CFAP20DC: variants seen among roughly 807,000 people sequenced by gnomAD.
CFAP20DC encodes the protein protein CFAP20DC.
In CFAP20DC, 84 loss-of-function variants were observed where a neutral mutation model predicts 101.7. The observed-to-expected ratio is 0.83, with a 90% CI of 0.69 to 0.99. The LOEUF (loss-of-function observed/expected upper bound fraction) is 0.99. CFAP20DC is among the 50% of genes least tolerant of loss of function. The pLI is 0.00. For synonymous variants in CFAP20DC, 359 were observed against 351.2 expected (o/e 1.02, Z -0.25); for missense variants, 1,007 against 970.3 (o/e 1.04, Z -0.50).
chr3:58,941,579 T>C (rs185531209), intron 4 of CFAP20DC, among the ~76,000 whole-genome samples: 225 of 151,986 alleles, frequency 1.5e-3, no homozygotes, highest in Middle Eastern at 0.01. Flanking sequence ...TCTTTTTCTT[T>C]TTTTTTTGAG....
At chr3:59,033,949 A>T (rs2094045244) in intron 4 of CFAP20DC, among the ~76,000 whole-genome samples, 1 of 152,226 alleles carries the variant, frequency 6.6e-6, no homozygotes, top group African/African-American at 2.4e-5. Flanking sequence ...GCAGCCAGAG[A>T]GAAAGGTTAG....
chr3:58,805,688 T>C (rs1187193551), intron 15 of CFAP20DC, among the ~76,000 whole-genome samples: 1 of 152,204 alleles, frequency 6.6e-6, no homozygotes, highest in African/African-American at 2.4e-5. Flanking sequence ...TAAATACTGA[T>C]AAGGTAATAC....
At chr3:58,817,217 CTA>C (rs1390859578) in intron 14 of CFAP20DC, among the ~76,000 whole-genome samples, 2 of 152,120 alleles carry the variant, frequency 1.3e-5, no homozygotes, top group Non-Finnish European at 2.9e-5. Context: ...ACTGGAAACT[CTA>C]AAACGCAGAG....
intron 6 of CFAP20DC, among the ~76,000 whole-genome samples, chr3:58,887,868 T>C (rs1373928040): frequency 6.6e-6 from 1 of 152,236 alleles, no homozygotes; most frequent in Non-Finnish European, 1.5e-5. Flanking sequence ...TATTTTAAAA[T>C]GAAGACTAAC....
At chr3:58,755,145 CAA>C (rs1408016042) in intron 15 of CFAP20DC, among the ~76,000 whole-genome samples, 2 of 152,088 alleles carry the variant, frequency 1.3e-5, no homozygotes, top group Non-Finnish European at 2.9e-5. Flanking sequence ...ATATTAATGT[CAA>C]AATTACCTAA....
chr3:58,766,996 G>A (rs147913060), intron 15 of CFAP20DC, among the ~76,000 whole-genome samples: 30 of 152,202 alleles, frequency 2.0e-4, no homozygotes, highest in Admixed American at 1.8e-3. Context: ...AAGAGCTCTC[G>A]TCTCAGCTCA....
Position 59,006,586 on chromosome 3 carries a change from G to C in CFAP20DC, c.278+32971C>G, listed in dbSNP as rs1197518472. The stretch of plus-strand genomic sequence containing the variant: ...GGAGAAGGACTTAACCTTACCTACA[G>C]CTAAAACAGATTTGGGGAGCTGAAT... On this transcript the variant is annotated intron_variant, in intron 4 of 16. Coordinates refer to ENST00000482387, the MANE Select transcript of CFAP20DC (RefSeq NM_001394063.1). The surrounding 1 kb of genome is among the most constrained non-coding windows in gnomAD (Gnocchi z 4.3). Among the ~76,000 whole-genome samples, 4 of 152,180 alleles carry C rather than the reference G, an allele frequency of 2.6e-5. No individual in the cohort carries two copies. Among genetic ancestry groups the C allele is most frequent in the African/African-American group, 9.6e-5 (4 of 41,452 alleles).
chr3:58,962,856 T>C (rs1366400638), intron 4 of CFAP20DC, among the ~76,000 whole-genome samples: 1 of 152,030 alleles, frequency 6.6e-6, no homozygotes, highest in Admixed American at 6.6e-5. Flanking sequence ...CCCCCAGGGA[T>C]ACGCAGGTAC....
At chr3:58,804,837 T>C (rs1171475539) in intron 15 of CFAP20DC, among the ~76,000 whole-genome samples, 1 of 152,212 alleles carries the variant, frequency 6.6e-6, no homozygotes, top group Non-Finnish European at 1.5e-5. Flanking sequence ...AATACCTTCT[T>C]ATATATATTG....
At chr3:59,035,550 G>T (rs1321800318) in intron 4 of CFAP20DC, among the ~76,000 whole-genome samples, 1 of 152,144 alleles carries the variant, frequency 6.6e-6, no homozygotes, top group East Asian at 1.9e-4. Context: ...TATCATCAGA[G>T]AATACTATAA....
chr3:58,900,569 A>C (rs2083059944), intron 6 of CFAP20DC, among the ~76,000 whole-genome samples: 1 of 152,250 alleles, frequency 6.6e-6, no homozygotes, highest in Non-Finnish European at 1.5e-5. Context: ...CCTGATTAAC[A>C]TCTAGATAAG....
chr3:58,794,167 A>G (rs941056515), intron 15 of CFAP20DC: 6 of 315,930 alleles, frequency 1.9e-5, no homozygotes, highest in Non-Finnish European at 3.2e-5. Flanking sequence ...TCAAAAGCAA[A>G]TAAGTTGTTT....
At position 58,848,601 on chromosome 3, in the gene CFAP20DC, A is replaced by T. The variant is rs942206639; in HGVS notation, c.1971+431T>A. Among the ~76,000 whole-genome samples, 3 of 152,138 alleles carry T rather than the reference A, an allele frequency of 2.0e-5. No homozygotes were observed. The East Asian group carries it at 5.8e-4, about 29-fold the overall frequency. ...TTAACCTTCACTCATATCATTTATT[A>T]TTTGGGGAACTGCTGTAGAAAGTGA... is the stretch of plus-strand genomic sequence containing the variant. On this transcript the variant is annotated intron_variant, in intron 13 of 16. Coordinates refer to ENST00000482387, the MANE Select transcript of CFAP20DC (RefSeq NM_001394063.1).
intron 15 of CFAP20DC, among the ~76,000 whole-genome samples, chr3:58,801,617 TGGAGA>T (rs1280563577): frequency 3.5e-4 from 53 of 150,984 alleles, no homozygotes; most frequent in Non-Finnish European, 1.5e-4. Flanking sequence ...TCGTGACAAC[TGGAGA>T]GGAAAAAAAA....
At chr3:58,945,188 T>G (rs2089178744) in intron 4 of CFAP20DC, among the ~76,000 whole-genome samples, 1 of 152,138 alleles carries the variant, frequency 6.6e-6, no homozygotes, top group African/African-American at 2.4e-5. Context: ...AACCACACAT[T>G]CAGCAGAGTG....
chr3:59,018,054 T>G (rs908481152), intron 4 of CFAP20DC: 1 of 152,084 alleles, frequency 6.6e-6, no homozygotes, highest in African/African-American at 2.4e-5. Flanking sequence ...CTAATTGACC[T>G]ATCAATCAAA....
chr3:58,948,518 C>T (rs1248602577), intron 4 of CFAP20DC, among the ~76,000 whole-genome samples: 2 of 152,144 alleles, frequency 1.3e-5, no homozygotes, highest in East Asian at 3.8e-4. Flanking sequence ...CCTTTGTTTT[C>T]ACAGTTAAAT....
At chr3:58,738,154 T>C (rs1001981245), downstream of CFAP20DC, among the ~76,000 whole-genome samples, 2 of 152,252 alleles carry the variant, frequency 1.3e-5, no homozygotes, top group Admixed American at 6.5e-5. This position sits in a 1 kb window ranked among gnomAD's most constrained non-coding sequence, Gnocchi z 4.4. Flanking sequence ...GATAAAACCA[T>C]ATGTGAACAG....
intron 4 of CFAP20DC, among the ~76,000 whole-genome samples, chr3:58,949,673 A>C (rs1355405640): frequency 6.6e-6 from 1 of 152,184 alleles, no homozygotes; most frequent in African/African-American, 2.4e-5. Context: ...AAACCATATG[A>C]TTATCTCAAT....
Sources: allele counts gnomAD v4.1 joint callset (sites outside exome capture counted in the v4.1 genomes callset), GRCh38; gene constraint gnomAD v4.1.1; non-coding constraint Gnocchi (gnomAD v3.1); transcripts MANE v1.5; gene names NCBI Gene and HGNC (gene_info 2026-07-23, HGNC 2026-07-21).